The following NFAT5 variants were observed in gnomAD, a reference collection of about 807,000 sequenced individuals.
NFAT5 encodes the protein nuclear factor of activated T-cells 5.
Under a neutral mutation model 166.5 loss-of-function variants are expected in NFAT5, and 31 were observed. The ratio of observed to expected loss-of-function variants is 0.19; its 90% confidence interval spans 0.14 to 0.25. The LOEUF (loss-of-function observed/expected upper bound fraction) is 0.25. NFAT5 is among the 10% of genes least tolerant of loss of function. The probability of loss-of-function intolerance (pLI) is 1.00; values close to 1 mark genes in which losing one functional copy is unlikely to be tolerated. For synonymous variants in NFAT5, 612 were observed against 639.7 expected, an observed-to-expected ratio of 0.96 and a Z score of 0.65; for missense variants, 1,449 against 1,821.8, an observed-to-expected ratio of 0.80 and a Z score of 3.72.
At chr16:69,605,891 T>G (rs1188044243) in intron 2 of NFAT5, among the ~76,000 whole-genome samples, 2 of 152,126 alleles carry the variant, frequency 1.3e-5, no homozygotes, top group Non-Finnish European at 2.9e-5. Flanking sequence ...TTTTTTGTAT[T>G]TTTAGTAGAG....
chr16:69,671,059 A>T (rs1411409384), intron 9 of NFAT5, among the ~76,000 whole-genome samples: 1 of 152,218 alleles, frequency 6.6e-6, no homozygotes, highest in Non-Finnish European at 1.5e-5. Context: ...TTATCCAAAA[A>T]GTTTATAATT....
At chr16:69,633,202 T>C (rs1040246456) in intron 3 of NFAT5, among the ~76,000 whole-genome samples, 2 of 152,194 alleles carry the variant, frequency 1.3e-5, no homozygotes, top group Non-Finnish European at 2.9e-5. Context: ...TTTATAAATA[T>C]TGTGATTTAT....
At position 69,576,607 on chromosome 16, in the gene NFAT5, C is replaced by T. The variant is rs757256061; in HGVS notation, c.127+8059C>T. 2.0e-5 allele frequency among the ~76,000 whole-genome samples: 3 copies of T among 152,102 alleles called. No individual in the cohort carries two copies. The East Asian group carries it at 5.8e-4, about 29-fold the overall frequency. ...TATGTTGGCCTAGCTCAGTGGCTCA[C>T]GCCTGTAATCCCAGCACTTTGGGAG... On this transcript the variant is annotated intron_variant, in intron 2 of 14. Coordinates refer to ENST00000349945, the MANE Select transcript of NFAT5 (RefSeq NM_138713.4).
chr16:69,614,353 A>G lies in NFAT5; in HGVS notation c.128-12050A>G, dbSNP rs145547497. 8.5e-4 allele frequency among the ~76,000 whole-genome samples: 129 copies of G among 152,278 alleles called. 1 individual carries two copies. The highest frequency in any genetic ancestry group is 2.8e-3 in the African/African-American group (118 of 41,562). ...GTTTTTGATTGCCAGATACCTAAAA[A>G]TGAAGACATGAAATAAGTTTGTTTA... On this transcript the variant is annotated intron_variant, in intron 2 of 14. Coordinates refer to ENST00000349945, the MANE Select transcript of NFAT5 (RefSeq NM_138713.4).
intron 3 of NFAT5, among the ~76,000 whole-genome samples, chr16:69,627,033 A>C (rs1204289774): frequency 2.0e-5 from 3 of 151,902 alleles, no homozygotes; most frequent in African/African-American, 7.2e-5. Flanking sequence ...AAAGTAATGG[A>C]GGACGTCAAT....
At position 69,697,486 on chromosome 16, in the gene NFAT5, C is replaced by G. The variant is rs903708820; in HGVS notation, c.*1135C>G. On this transcript the variant is annotated 3_prime_UTR_variant, in exon 15 of 15. Coordinates refer to ENST00000349945, the MANE Select transcript of NFAT5 (RefSeq NM_138713.4). Reference sequence around the variant, plus strand: ...AAAAAAAAAAGGCAAACTAAAATTTCTTGAAATATCACTTCTCCCTGATCT... The same window carrying G: ...AAAAAAAAAAGGCAAACTAAAATTTGTTGAAATATCACTTCTCCCTGATCT... 1.3e-5 allele frequency: 2 copies of G among 152,250 alleles called. No individual in the cohort carries two copies. The highest frequency in any genetic ancestry group is 4.8e-5 in the African/African-American group (2 of 41,360). The allele number at this position is 152,250 out of a possible 1,614,324, so 9.4% of individuals were successfully genotyped here. A position where few individuals can be genotyped will look rare whatever the true frequency, so the allele number is the denominator to read the frequency against.
At chr16:69,640,090 A>G (rs2035138636) in intron 3 of NFAT5, among the ~76,000 whole-genome samples, 1 of 152,146 alleles carries the variant, frequency 6.6e-6, no homozygotes, top group African/African-American at 2.4e-5. Context: ...TGCTTATTTT[A>G]TATGCTGGGA....
chr16:69,694,271 G>T (rs2037680532), intron 13 of NFAT5, 32 bp downstream of exon 13: 2 of 1,519,252 alleles, frequency 1.3e-6, no homozygotes, highest in Non-Finnish European at 1.8e-6. Flanking sequence ...TTACTTAATT[G>T]GTCATTATTA....
At position 69,672,788 on chromosome 16, in the gene NFAT5, A is replaced by G. The variant is rs1002355953; in HGVS notation, c.1557+2500A>G. ...TGCTATGAACATGTTTTGTTTCTTG[A>G]CAAATTAGTTAGATTAATGTAGACT... On this transcript the variant is annotated intron_variant, in intron 9 of 14. Coordinates refer to ENST00000349945, the MANE Select transcript of NFAT5 (RefSeq NM_138713.4). Among the ~76,000 whole-genome samples, 7 of 152,186 alleles carry G rather than the reference A, an allele frequency of 4.6e-5. No homozygotes were observed. The East Asian group carries it at 1.3e-3, about 29-fold the overall frequency.
chr16:69,602,132 T>C (rs1320459715), intron 2 of NFAT5, among the ~76,000 whole-genome samples: 2 of 151,114 alleles, frequency 1.3e-5, no homozygotes, highest in Admixed American at 6.6e-5. Flanking sequence ...GCTTTTTTTT[T>C]CATTGGGAGA....
chr16:69,688,420 G>A (rs2151711315), intron 11 of NFAT5, among the ~76,000 whole-genome samples: 1 of 152,040 alleles, frequency 6.6e-6, no homozygotes, highest in South Asian at 2.1e-4. Flanking sequence ...TTGTTGCCCA[G>A]GCTGGAATGC....
At chr16:69,667,259 A>C (rs2036428682) in intron 7 of NFAT5, among the ~76,000 whole-genome samples, 1 of 151,790 alleles carries the variant, frequency 6.6e-6, no homozygotes, top group South Asian at 2.1e-4. Flanking sequence ...CCAGCATGGC[A>C]CATGTATACA....
At chr16:69,568,601 C>A in intron 2 of NFAT5, 53 bp downstream of exon 2, 1 of 1,450,708 alleles carries the variant, frequency 6.9e-7, no homozygotes, top group Non-Finnish European at 9.5e-7. Flanking sequence ...AAGGCTTTCT[C>A]TGAAATGGAG....
intron 2 of NFAT5, among the ~76,000 whole-genome samples, chr16:69,607,446 A>G (rs889622298): frequency 6.6e-6 from 1 of 152,250 alleles, no homozygotes; most frequent in African/African-American, 2.4e-5. Context: ...TCTGTTACGT[A>G]TAGTCATGAT....
At chr16:69,684,713 C>T (rs1217762567) in intron 10 of NFAT5, among the ~76,000 whole-genome samples, 174 bp from the exon 11 acceptor site, 3 of 152,028 alleles carry the variant, frequency 2.0e-5, no homozygotes, top group Non-Finnish European at 2.9e-5. Flanking sequence ...TCACATGCTC[C>T]GCCCACTTGG....
At chr16:69,609,256 A>G (rs1242706913) in intron 2 of NFAT5, among the ~76,000 whole-genome samples, 5 of 152,170 alleles carry the variant, frequency 3.3e-5, no homozygotes, top group Non-Finnish European at 7.3e-5. Flanking sequence ...AAGCCAATCC[A>G]TTTTCATTCC....
At chr16:69,619,271 C>G (rs2151569125) in intron 2 of NFAT5, among the ~76,000 whole-genome samples, 1 of 152,232 alleles carries the variant, frequency 6.6e-6, no homozygotes, top group East Asian at 1.9e-4. Context: ...TTCAAGAGAT[C>G]AACTTATTTA....
chr16:69,624,849 C>T (rs549821519), intron 2 of NFAT5, among the ~76,000 whole-genome samples: 2 of 151,464 alleles, frequency 1.3e-5, no homozygotes, highest in Non-Finnish European at 2.9e-5. Flanking sequence ...AATTTCATGC[C>T]TCAGTTATTT....
intron 10 of NFAT5, among the ~76,000 whole-genome samples, chr16:69,679,216 C>T (rs113783939): frequency 0.019 from 2,830 of 152,124 alleles, 95 homozygotes; most frequent in African/African-American, 0.061. Flanking sequence ...CAGGCGTGAG[C>T]CACCACTCCC....
Sources: allele counts gnomAD v4.1 joint callset (sites outside exome capture counted in the v4.1 genomes callset), GRCh38; gene constraint gnomAD v4.1.1; transcripts MANE v1.5; gene names NCBI Gene and HGNC (gene_info 2026-07-23, HGNC 2026-07-21).